Variants in SURF6 observed in about 807,000 individuals in gnomAD.
The protein encoded by SURF6 is surfeit 6, also known as surfeit locus protein 6.
SURF6 carries 28 observed loss-of-function variants against 37.5 expected under a neutral mutation model. That is an observed-to-expected ratio of 0.75 (90% CI 0.55 to 1.02). SURF6 has a LOEUF of 1.02. Ranked by LOEUF, SURF6 falls within the 50% of genes least tolerant of loss-of-function variation. The probability of loss-of-function intolerance (pLI) is 0.00; values close to 1 mark genes in which losing one functional copy is unlikely to be tolerated. For missense variants in SURF6, 560 were observed against 490.5 expected, an observed-to-expected ratio of 1.14 and a Z score of -1.34; for synonymous variants, 248 against 210.9, an observed-to-expected ratio of 1.18 and a Z score of -1.52.
Position 133,331,987 on chromosome 9 carries a change from T to A in SURF6, c.968A>T (p.Asp323Val), listed in dbSNP as rs2129913580. 11 of 1,598,146 alleles carry A rather than the reference T, an allele frequency of 6.9e-6. No individual in the cohort carries two copies. The South Asian group carries it at 1.2e-4, about 18-fold the overall frequency. ...CCTGCGCAGGTTCTGCCGCCGCCGG[T>A]CCTGGCGCTGCTGCATCTTCTCCAC... The part of the protein sequence containing the change: ...GVVEKMQQRQ[D>V]RRRQNLRRKK... Residue 323 changes from aspartate (D) to valine (V), a missense_variant, in exon 5 of 5, where the codon GAC becomes GTC. Coordinates refer to ENST00000372022, the MANE Select transcript of SURF6 (RefSeq NM_006753.6).
At position 133,330,442 on chromosome 9, in the gene SURF6, T is replaced by G. The variant is rs2129906452; in HGVS notation, c.*1427A>C. On this transcript the variant is annotated 3_prime_UTR_variant, in exon 5 of 5. Coordinates refer to ENST00000372022, the MANE Select transcript of SURF6 (RefSeq NM_006753.6). ...ATAGAGATGGGGTTTTATCATGTTG[T>G]CCAGGCTAGCCTTGAACTCCTGATC... The G allele has an allele frequency of 0.53, 79,928 of 151,510 alleles. 21,331 individuals carry two copies. Among genetic ancestry groups the G allele is most frequent in the African/African-American group, 0.58 (24,062 of 41,302 alleles). 9.4% of individuals were successfully genotyped at this position (151,510 alleles called of 1,614,324 possible). A position where few individuals can be genotyped will look rare whatever the true frequency, so the allele number is the denominator to read the frequency against.
rs2129908930 is a variant in SURF6 at position 133,331,152 on chromosome 9, C to T, written c.*717G>A. The T allele has an allele frequency of 1.3e-5, 2 of 152,210 alleles. No homozygotes were observed. Among genetic ancestry groups the T allele is most frequent in the African/African-American group, 4.8e-5 (2 of 41,442 alleles). 9.4% of individuals were successfully genotyped at this position (152,210 alleles called of 1,614,324 possible). A position where few individuals can be genotyped will look rare whatever the true frequency, so the allele number is the denominator to read the frequency against. Reference sequence around the variant, plus strand: ...CCCACTTTGTATCTTGCATTCACTTCACTCTCTCTCCAGCTTTTATTCTTT... The same window carrying T: ...CCCACTTTGTATCTTGCATTCACTTTACTCTCTCTCCAGCTTTTATTCTTT... On this transcript the variant is annotated 3_prime_UTR_variant, in exon 5 of 5. Coordinates refer to ENST00000372022, the MANE Select transcript of SURF6 (RefSeq NM_006753.6).
intron 4 of SURF6, 38 bp from the exon 5 acceptor site, chr9:133,332,386 G>A (rs2129918115): frequency 6.5e-7 from 1 of 1,545,676 alleles, no homozygotes; most frequent in Non-Finnish European, 8.7e-7. Flanking sequence ...TGCCAGCCCT[G>A]CACTAGGCCC....
intron 1 of SURF6, among the ~76,000 whole-genome samples, 181 bp from the exon 2 acceptor site, chr9:133,334,782 T>C (rs927829825): frequency 1.3e-5 from 2 of 152,010 alleles, no homozygotes; most frequent in African/African-American, 2.4e-5. Flanking sequence ...CTTGTGAGAA[T>C]TCATCAGGCA....
chr9:133,333,401 T>C (rs1319638658), intron 3 of SURF6, among the ~76,000 whole-genome samples: 2 of 152,302 alleles, frequency 1.3e-5, no homozygotes, highest in Middle Eastern at 3.4e-3. Flanking sequence ...GCTGCATTGG[T>C]GCTTCCTGTG....
chr9:133,334,558 C>A lies in SURF6; in HGVS notation c.138G>T (p.Lys46Asn). 1 of 1,612,920 alleles carries A rather than the reference C, an allele frequency of 6.2e-7. No homozygotes were observed. The highest frequency in any genetic ancestry group is 1.7e-5 in the Admixed American group (1 of 60,010). The change falls in exon 2 of 5, where the codon AAG becomes AAT. Residue 46 changes from lysine (K) to asparagine (N), a missense_variant. Transcript: ENST00000372022. ...ATTTCTTTTGTGTTTTCTTCCTTTT[C>A]TTTTTTGGGGGCCCTGCAGTTTCTG... The part of the protein sequence containing the change: ...QGSETAGPPK[K>N]KRKKTQKKFR...
At chr9:133,333,868 GC>G in intron 2 of SURF6, 62 bp from the exon 3 acceptor site, 1 of 1,410,312 alleles carries the variant, frequency 7.1e-7, no homozygotes, top group East Asian at 2.4e-5. Flanking sequence ...CCTCCCTAGG[GC>G]CACGAATCCC....
Position 133,331,984 on chromosome 9 carries a change from C to A in SURF6, c.971G>T (p.Arg324Leu). ...VVEKMQQRQD[R>L]RRQNLRRKKA... is the part of the protein sequence containing the mutation. ...CTTCCTGCGCAGGTTCTGCCGCCGC[C>A]GGTCCTGGCGCTGCTGCATCTTCTC... is the stretch of plus-strand genomic sequence containing the variant. The change falls in exon 5 of 5, where the codon CGG (arginine) becomes CTG (leucine). Residue 324 changes from arginine (R) to leucine (L), a missense_variant. By Grantham distance (102) the Arg-to-Leu change is moderately radical (BLOSUM62 -2). Coordinates refer to ENST00000372022, the MANE Select transcript of SURF6 (RefSeq NM_006753.6). 6.3e-7 allele frequency: 1 copy of A among 1,597,818 alleles called. No individual in the cohort carries two copies. The highest frequency in any genetic ancestry group is 1.1e-5 in the South Asian group (1 of 90,810).
chr9:133,335,303 A>C (rs1385677156), intron 1 of SURF6, among the ~76,000 whole-genome samples: 2 of 148,936 alleles, frequency 1.3e-5, no homozygotes, highest in Non-Finnish European at 3.0e-5. Context: ...GTAAAGTAGG[A>C]GCTGAATCGT....
In SURF6 at chr9:133,334,518, C is replaced by G; in HGVS notation, c.178G>C (p.Glu60Gln). The change falls in exon 2 of 5, where the codon GAG (glutamate) becomes CAG (glutamine). Residue 60 changes from glutamate to glutamine, a missense_variant. By Grantham distance (29) the Glu-to-Gln change is conservative (BLOSUM62 2). Transcript: ENST00000372022. ...KTQKKFRKREEKAAEHKAKSL... is the reference protein window; with the variant it reads ...KTQKKFRKREQKAAEHKAKSL... Reference sequence around the variant, plus strand: ...TTGGCCTTGTGCTCAGCAGCCTTCTCTTCTCGCTTCCGGAATTTCTTTTGT... The same window carrying G: ...TTGGCCTTGTGCTCAGCAGCCTTCTGTTCTCGCTTCCGGAATTTCTTTTGT... 6.2e-7 allele frequency: 1 copy of G among 1,614,102 alleles called. No homozygotes were observed. Among genetic ancestry groups the G allele is most frequent in the Non-Finnish European group, 8.5e-7 (1 of 1,180,032 alleles).
rs202154599 is a variant in SURF6, at chr9:133,332,533, C to G, written c.606+15G>C. ...AAGCCGACCCAGCCCGCCCAAGGACCCAGCTCCCGCTCACCTTATTGAAGA... is the reference window on the plus strand; with the variant it reads ...AAGCCGACCCAGCCCGCCCAAGGACGCAGCTCCCGCTCACCTTATTGAAGA... On this transcript the variant is annotated intron_variant, in intron 4 of 4. Transcript: ENST00000372022. 6.2e-5 allele frequency: 100 copies of G among 1,603,754 alleles called. No homozygotes were observed. In the East Asian group the frequency reaches 2.2e-3, roughly 35 times the overall value.
chr9:133,335,894 CA>C (rs939248363), intron 1 of SURF6, 144 bp downstream of exon 1: 22 of 695,222 alleles, frequency 3.2e-5, no homozygotes, highest in Non-Finnish European at 3.8e-5. Context: ...AAAACAAAAA[CA>C]AAAAAAACAA....
In SURF6 at chr9:133,334,547, T is replaced by A; in HGVS notation, c.149A>T (p.Lys50Ile). ...TCGCTTCCGGAATTTCTTTTGTGTT[T>A]TCTTCCTTTTCTTTTTTGGGGGCCC... ...TAGPPKKKRK[K>I]TQKKFRKREE... Residue 50 changes from lysine (K) to isoleucine (I), a missense_variant, in exon 2 of 5, where the codon AAA (lysine) becomes ATA (isoleucine). By Grantham distance (102) the Lys-to-Ile change is moderately radical. Transcript: ENST00000372022. The A allele has an allele frequency of 1.2e-6, 2 of 1,613,540 alleles. No homozygotes were observed. The highest frequency in any genetic ancestry group is 1.7e-6 in the Non-Finnish European group (2 of 1,180,040).
In SURF6 at chr9:133,331,031, T is replaced by A. The variant is rs1321639762; in HGVS notation, c.*838A>T. On this transcript the variant is annotated 3_prime_UTR_variant, in exon 5 of 5. Transcript: ENST00000372022. Reference sequence around the variant, plus strand: ...AGAGTTTCATCAAAAGAATTTTATTTACAGCTTTATCATCCATATGCCACT... The same window carrying A: ...AGAGTTTCATCAAAAGAATTTTATTAACAGCTTTATCATCCATATGCCACT... The A allele has an allele frequency of 6.6e-6, 1 of 152,230 alleles. No individual in the cohort carries two copies. Among genetic ancestry groups the A allele is most frequent in the Non-Finnish European group, 1.5e-5 (1 of 68,044 alleles). 9.4% of individuals were successfully genotyped at this position (152,230 alleles called of 1,614,324 possible).
rs1379132813 is a variant in SURF6, at chr9:133,330,933, T to G, written c.*936A>C. ...TCACATCCTATCTTTCACAGGGCTTTTTCATCAGTTGCCTCTGTCTGGTAA... is the reference window on the plus strand; with the variant it reads ...TCACATCCTATCTTTCACAGGGCTTGTTCATCAGTTGCCTCTGTCTGGTAA... On this transcript the variant is annotated 3_prime_UTR_variant, in exon 5 of 5. Coordinates refer to ENST00000372022, the MANE Select transcript of SURF6 (RefSeq NM_006753.6). 1 of 152,220 alleles carries G rather than the reference T, an allele frequency of 6.6e-6. No homozygotes were observed. The allele number at this position is 152,220 out of a possible 1,614,324, so 9.4% of individuals were successfully genotyped here. A position where few individuals can be genotyped will look rare whatever the true frequency, so the allele number is the denominator to read the frequency against.
chr9:133,331,827 A>G lies in SURF6; in HGVS notation c.*42T>C. ...GTCAAGGACTCAGAGGGTGTCCTGG[A>G]GTCTCCTAGGACGGAAGACGGCGGC... On this transcript the variant is annotated 3_prime_UTR_variant, in exon 5 of 5. Transcript: ENST00000372022. 1.3e-6 allele frequency: 2 copies of G among 1,488,592 alleles called. No individual in the cohort carries two copies. The highest frequency in any genetic ancestry group is 1.8e-6 in the Non-Finnish European group (2 of 1,129,344). 92.2% of individuals were successfully genotyped at this position (1,488,592 alleles called of 1,614,324 possible).
chr9:133,332,301 T>C lies in SURF6; in HGVS notation c.654A>G (p.Lys218=), dbSNP rs201069962. The C allele has an allele frequency of 2.0e-4, 324 of 1,597,402 alleles. No homozygotes were observed. Among genetic ancestry groups the C allele is most frequent in the Non-Finnish European group, 2.7e-4 (313 of 1,175,616 alleles). Residue 218 remains lysine (K), a synonymous_variant, in exon 5 of 5, where the codon AAA becomes AAG. Coordinates refer to ENST00000372022, the MANE Select transcript of SURF6 (RefSeq NM_006753.6). ...DEPASKAQRR[K]EKRQRVKGNL... ...TCCCCTTCACCCTCTGCCTCTTCTC[T>C]TTTCTGCGCTGCGCCTTGCTGGCCG...
At position 133,331,825 on chromosome 9, in the gene SURF6, G is replaced by A; in HGVS notation, c.*44C>T. The A allele has an allele frequency of 1.3e-6, 2 of 1,488,644 alleles. No homozygotes were observed. Among genetic ancestry groups the A allele is most frequent in the Non-Finnish European group, 1.8e-6 (2 of 1,129,412 alleles). The allele number at this position is 1,488,644 out of a possible 1,614,324, so 92.2% of individuals were successfully genotyped here. The stretch of plus-strand genomic sequence containing the variant: ...GCGTCAAGGACTCAGAGGGTGTCCT[G>A]GAGTCTCCTAGGACGGAAGACGGCG... On this transcript the variant is annotated 3_prime_UTR_variant, in exon 5 of 5. Coordinates refer to ENST00000372022, the MANE Select transcript of SURF6 (RefSeq NM_006753.6).
chr9:133,334,743 A>C, intron 1 of SURF6, 142 bp from the exon 2 acceptor site: 1 of 968,188 alleles, frequency 1.0e-6, no homozygotes, highest in Middle Eastern at 3.4e-4. Flanking sequence ...CCTAGAGCTC[A>C]GAACCACAAC....
Sources: allele counts gnomAD v4.1 joint callset (sites outside exome capture counted in the v4.1 genomes callset), GRCh38; gene constraint gnomAD v4.1.1; transcripts MANE v1.5; gene names NCBI Gene and HGNC (gene_info 2026-07-23, HGNC 2026-07-21).